DNAH9: variants seen among roughly 807,000 people sequenced by gnomAD.
DNAH9 encodes the protein dynein axonemal heavy chain 9.
DNAH9 carries 345 observed loss-of-function variants against 471.6 expected under a neutral mutation model. That is an observed-to-expected ratio of 0.73 (90% CI 0.67 to 0.80). The LOEUF (loss-of-function observed/expected upper bound fraction) is 0.80. Ranked by LOEUF, DNAH9 falls within the 30% of genes least tolerant of loss-of-function variation. DNAH9 has a pLI of 0.00. For missense variants in DNAH9, 5,407 were observed against 5,609.2 expected, an observed-to-expected ratio of 0.96 and a Z score of 1.15; for synonymous variants, 2,093 against 2,123.6, an observed-to-expected ratio of 0.99 and a Z score of 0.40.
At chr17:11,798,716 T>C (rs1969346722) in intron 43 of DNAH9, among the ~76,000 whole-genome samples, 1 of 152,064 alleles carries the variant, frequency 6.6e-6, no homozygotes, top group African/African-American at 2.4e-5. Context: ...AGCAACAATA[T>C]CTGCTTCATT....
intron 39 of DNAH9, among the ~76,000 whole-genome samples, chr17:11,782,144 CA>C (rs1259564783): frequency 7.2e-5 from 11 of 152,284 alleles, no homozygotes; most frequent in Admixed American, 6.5e-5. Flanking sequence ...TCTTCCTTCC[CA>C]AAATCTTTAT....
At chr17:11,599,273 GACT>G (rs771137389) in intron 1 of DNAH9, among the ~76,000 whole-genome samples, 49 of 152,222 alleles carry the variant, frequency 3.2e-4, no homozygotes, top group Non-Finnish European at 6.8e-4. Context: ...CCTAGGTTCT[GACT>G]ACTTTCAAAA....
At chr17:11,683,591 T>C (rs2074177584) in intron 19 of DNAH9, among the ~76,000 whole-genome samples, 2 of 152,242 alleles carry the variant, frequency 1.3e-5, no homozygotes, top group South Asian at 4.1e-4. Flanking sequence ...TGCTTTTGTG[T>C]CTGTTCGAAA....
intron 43 of DNAH9, among the ~76,000 whole-genome samples, chr17:11,801,440 A>G (rs906792122): frequency 1.3e-5 from 2 of 152,224 alleles, no homozygotes; most frequent in Admixed American, 1.3e-4. Context: ...CTGTAATCCC[A>G]GCACTTTGGG....
intron 49 of DNAH9, among the ~76,000 whole-genome samples, chr17:11,852,425 C>G (rs1227012062): frequency 6.6e-6 from 1 of 152,030 alleles, no homozygotes; most frequent in Non-Finnish European, 1.5e-5. Flanking sequence ...TGACCCATGA[C>G]CAGGGGGTCC....
chr17:11,968,210 A>G (rs905927900), intron 68 of DNAH9, among the ~76,000 whole-genome samples: 1 of 152,220 alleles, frequency 6.6e-6, no homozygotes, highest in Non-Finnish European at 1.5e-5. Flanking sequence ...GGAAAAAAAA[A>G]GAGGTTCTAC....
intron 55 of DNAH9, chr17:11,882,752 AG>A (rs1392443324): frequency 1.1e-5 from 2 of 180,098 alleles, no homozygotes; most frequent in Non-Finnish European, 2.1e-5. Context: ...GGAAAGCCAG[AG>A]GGCAAATTTA....
chr17:11,883,656 G>T lies in DNAH9; in HGVS notation c.10877G>T (p.Arg3626Leu), dbSNP rs183636309. The change falls in exon 56 of 69, where the codon CGC (arginine) becomes CTC (leucine). Residue 3626 changes from arginine to leucine, a missense_variant. By Grantham distance (102) the Arg-to-Leu change is moderately radical. Around this residue, in one of 3 missense-constraint regions of DNAH9, gnomAD observed 4,636 missense variants for 4,900.3 expected, o/e 0.95. Coordinates refer to ENST00000262442, the MANE Select transcript of DNAH9 (RefSeq NM_001372.4). Reference protein sequence around the residue: ...LKTLEDSLLSRLSSASGNFLG... With the variant: ...LKTLEDSLLSLLSSASGNFLG... Reference sequence around the variant, plus strand: ...ACGTTGGAAGACAGTCTTCTCTCTCGCCTCTCCTCCGCCTCTGGGAACTTC... The same window carrying T: ...ACGTTGGAAGACAGTCTTCTCTCTCTCCTCTCCTCCGCCTCTGGGAACTTC... The T allele has an allele frequency of 6.2e-7, 1 of 1,614,010 alleles. No homozygotes were observed. The highest frequency in any genetic ancestry group is 8.5e-7 in the Non-Finnish European group (1 of 1,179,962).
At chr17:11,920,035 C>CTTTCTTTTT (rs1555621039) in intron 61 of DNAH9, among the ~76,000 whole-genome samples, 175 of 135,948 alleles carry the variant, frequency 1.3e-3, no homozygotes, top group African/African-American at 4.3e-3. Context: ...TAAGTTCTTT[C>CTTTCTTTTT]TTTTTTTTTT....
chr17:11,749,092 T>G (rs955646701), intron 32 of DNAH9, among the ~76,000 whole-genome samples: 14 of 71,784 alleles, frequency 2.0e-4, no homozygotes, highest in African/African-American at 6.4e-4. Context: ...TTTTGTTTTT[T>G]TTTTTTTTTT....
intron 49 of DNAH9, among the ~76,000 whole-genome samples, chr17:11,852,206 A>T (rs1971446909): frequency 6.6e-6 from 1 of 152,212 alleles, no homozygotes; most frequent in Admixed American, 6.5e-5. Context: ...TTAATTTGGC[A>T]TAAGAATCTA....
Position 11,894,490 on chromosome 17 carries a change from T to C in DNAH9, c.11400T>C (p.Ala3800=), listed in dbSNP as rs371540397. 2 of 1,614,022 alleles carry C rather than the reference T, an allele frequency of 1.2e-6. No individual in the cohort carries two copies. The highest frequency in any genetic ancestry group is 1.3e-5 in the African/African-American group (1 of 74,934). The stretch of plus-strand genomic sequence containing the variant: ...TCCTCTCCCATCAGGCGTGGGGAGC[T>C]GTCAAGGTCAGTATTGACCCCTAGA... The part of the protein sequence containing the change: ...VEFLSHQAWG[A]VKVLSSMEEF... The change falls in exon 59 of 69, where the codon GCT becomes GCC. Residue 3800 remains alanine (A), a synonymous_variant. Coordinates refer to ENST00000262442, the MANE Select transcript of DNAH9 (RefSeq NM_001372.4).
chr17:11,890,737 C>T (rs1001477765), intron 57 of DNAH9, among the ~76,000 whole-genome samples: 2 of 152,126 alleles, frequency 1.3e-5, no homozygotes, highest in Admixed American at 1.3e-4. Context: ...GAGACAGGGT[C>T]TCACTCTGTT....
chr17:11,895,913 G>A (rs1225032925), intron 59 of DNAH9, among the ~76,000 whole-genome samples: 1 of 152,196 alleles, frequency 6.6e-6, no homozygotes, highest in Non-Finnish European at 1.5e-5. Context: ...CTTCAAAGGA[G>A]TCATCTCAGG....
chr17:11,756,595 A>T lies in DNAH9; in HGVS notation c.6766A>T (p.Ile2256Phe), dbSNP rs1032129842. ...KVLTLASNER[I>F]PLNPTMKLLF... ...GCTGACATTGGCCAGCAATGAGAGG[A>T]TTCCTCTGAACCCCACCATGAAGCT... The change falls in exon 34 of 69, where the codon ATT becomes TTT. Residue 2256 changes from isoleucine to phenylalanine, a missense_variant. Ile to Phe is a conservative substitution (Grantham distance 21). Around this residue, in one of 3 missense-constraint regions of DNAH9, gnomAD observed 4,636 missense variants for 4,900.3 expected, o/e 0.95. Transcript: ENST00000262442. 1.9e-6 allele frequency: 3 copies of T among 1,613,582 alleles called. No homozygotes were observed. Among genetic ancestry groups the T allele is most frequent in the Non-Finnish European group, 2.5e-6 (3 of 1,179,600 alleles).
chr17:11,856,559 A>G (rs1567852222), intron 50 of DNAH9, among the ~76,000 whole-genome samples: 2 of 151,302 alleles, frequency 1.3e-5, no homozygotes, highest in African/African-American at 2.4e-5. Context: ...AAAAAAAATT[A>G]GCCGGGCGTG....
chr17:11,609,216 T>C (rs2072574761), intron 2 of DNAH9, among the ~76,000 whole-genome samples: 1 of 152,192 alleles, frequency 6.6e-6, no homozygotes, highest in Admixed American at 6.5e-5. Context: ...ATGCGTGCAA[T>C]GCATTATAAA....
chr17:11,923,382 G>T (rs1974204762), intron 61 of DNAH9, among the ~76,000 whole-genome samples: 1 of 147,352 alleles, frequency 6.8e-6, no homozygotes, highest in South Asian at 2.2e-4. Flanking sequence ...CGCAATCTCG[G>T]CTCATTGCAA....
At chr17:11,775,644 C>G (rs1367937539) in intron 38 of DNAH9, among the ~76,000 whole-genome samples, 10 of 137,828 alleles carry the variant, frequency 7.3e-5, no homozygotes, top group Non-Finnish European at 4.6e-5. Context: ...TTGCTCTGTC[C>G]CCCAGGCTGG....
Sources: allele counts gnomAD v4.1 joint callset (sites outside exome capture counted in the v4.1 genomes callset), GRCh38; gene constraint gnomAD v4.1.1; regional missense constraint gnomAD v4.1.1; transcripts MANE v1.5; gene names NCBI Gene and HGNC (gene_info 2026-07-23, HGNC 2026-07-21).